Variants in PVT1 observed in about 807,000 individuals in gnomAD.
PVT1 encodes CXCR4/PVT1 fusion.
intron 3 of PVT1, among the ~76,000 whole-genome samples, chr8:127,917,479 A>G (rs898400002): frequency 6.6e-6 from 1 of 152,242 alleles, no homozygotes; most frequent in East Asian, 1.9e-4. Flanking sequence ...GTGATGACCC[A>G]GGACAGACTG....
chr8:127,947,895 G>A, intron 3 of PVT1: 1 of 456,656 alleles, frequency 2.2e-6, no homozygotes, highest in Non-Finnish European at 4.4e-6. Flanking sequence ...TAGGCAGACA[G>A]ACAATATTAT....
intron 3 of PVT1, among the ~76,000 whole-genome samples, chr8:127,976,652 G>A (rs1816825663): frequency 6.6e-6 from 1 of 152,148 alleles, no homozygotes. Flanking sequence ...GGCATCAGGG[G>A]CTTGGCACAG....
intron 2 of PVT1, among the ~76,000 whole-genome samples, chr8:127,825,117 T>TAAAAAAAAAAAAAAA (rs58377389): frequency 1.2e-5 from 1 of 81,056 alleles, no homozygotes; most frequent in Non-Finnish European, 2.3e-5. Flanking sequence ...AAACACTAGC[T>TAAAAAAAAAAAAAAA]AAAAAAAAAA....
chr8:128,075,279 T>C (rs1814070992), intron 5 of PVT1, among the ~76,000 whole-genome samples: 1 of 152,158 alleles, frequency 6.6e-6, no homozygotes, highest in Non-Finnish European at 1.5e-5. Context: ...TTGTAATATA[T>C]CTCATCATGC....
chr8:127,804,091 C>A (rs1814499792), intron 2 of PVT1, among the ~76,000 whole-genome samples: 1 of 152,028 alleles, frequency 6.6e-6, no homozygotes, highest in Admixed American at 6.6e-5. Context: ...TGGCACGCAC[C>A]TGTATTCCCA....
chr8:127,978,863 T>C (rs1586464622), intron 3 of PVT1, among the ~76,000 whole-genome samples: 1 of 152,206 alleles, frequency 6.6e-6, no homozygotes, highest in Admixed American at 6.5e-5. Flanking sequence ...GAAACATAAC[T>C]CAGTGTATTC....
At chr8:128,085,817 C>T (rs1195569976) in intron 5 of PVT1, among the ~76,000 whole-genome samples, 1 of 152,134 alleles carries the variant, frequency 6.6e-6, no homozygotes, top group African/African-American at 2.4e-5. Context: ...GACTGATTAA[C>T]ATAAGCACCT....
At chr8:127,967,913 C>T (rs191344749) in intron 3 of PVT1, among the ~76,000 whole-genome samples, 9 of 152,288 alleles carry the variant, frequency 5.9e-5, no homozygotes, top group African/African-American at 1.9e-4. Flanking sequence ...ATTTATTGAG[C>T]GCCTGTAGTA....
intron 3 of PVT1, among the ~76,000 whole-genome samples, chr8:127,892,841 G>A (rs1345348297): frequency 2.0e-5 from 3 of 152,150 alleles, no homozygotes; most frequent in African/African-American, 7.2e-5. Context: ...GAGGGGATCA[G>A]TTGGGAAAGA....
At chr8:127,911,522 G>T (rs962586301) in intron 3 of PVT1, among the ~76,000 whole-genome samples, 1 of 152,246 alleles carries the variant, frequency 6.6e-6, no homozygotes, top group Non-Finnish European at 1.5e-5. Context: ...CGGGACTGGA[G>T]GTCTCCGGAG....
intron 3 of PVT1, among the ~76,000 whole-genome samples, chr8:127,970,732 C>T (rs1816757014): frequency 6.6e-6 from 1 of 151,878 alleles, no homozygotes; most frequent in African/African-American, 2.4e-5. Context: ...TGTAAGACAC[C>T]TCCCCAAAAA....
intron 4 of PVT1, among the ~76,000 whole-genome samples, chr8:128,052,601 C>T (rs1209137610): frequency 1.3e-5 from 2 of 152,120 alleles, no homozygotes; most frequent in Non-Finnish European, 2.9e-5. Flanking sequence ...GCTCACATTA[C>T]TCTTCTCTTC....
At chr8:127,971,326 C>T (rs938789553) in intron 3 of PVT1, among the ~76,000 whole-genome samples, 4 of 152,244 alleles carry the variant, frequency 2.6e-5, no homozygotes, top group Non-Finnish European at 1.5e-5. Context: ...TGATCCCCTG[C>T]TCCTCTGCCT....
chr8:128,049,292 CTGA>C, intron 4 of PVT1: 1 of 482,620 alleles, frequency 2.1e-6, no homozygotes, highest in Admixed American at 2.3e-5. Context: ...CTTGGAGCCA[CTGA>C]TAGAAGCAGG....
chr8:128,038,970 T>C (rs565877669), intron 4 of PVT1, among the ~76,000 whole-genome samples: 1 of 152,134 alleles, frequency 6.6e-6, no homozygotes, highest in South Asian at 2.1e-4. Context: ...CCATTGTGTC[T>C]TTGTGCTCAG....
At chr8:127,970,212 C>T (rs988879481) in intron 3 of PVT1, among the ~76,000 whole-genome samples, 2 of 150,556 alleles carry the variant, frequency 1.3e-5, no homozygotes, top group Admixed American at 6.7e-5. Context: ...TCTCCTCAGA[C>T]CCTCAGGGGG....
chr8:127,812,872 C>CTAATA (rs1814614244), intron 2 of PVT1, among the ~76,000 whole-genome samples: 2 of 152,082 alleles, frequency 1.3e-5, no homozygotes, highest in Non-Finnish European at 2.9e-5. Flanking sequence ...GCACTTGTAA[C>CTAATA]TGTGTCAGGC....
chr8:128,026,214 A>G (rs1322911464), intron 4 of PVT1, among the ~76,000 whole-genome samples: 1 of 152,176 alleles, frequency 6.6e-6, no homozygotes, highest in Non-Finnish European at 1.5e-5. Flanking sequence ...AAGTGCTGGG[A>G]TTACAGGCGT....
At chr8:128,012,672 A>G (rs1817327283) in intron 4 of PVT1, among the ~76,000 whole-genome samples, 1 of 152,200 alleles carries the variant, frequency 6.6e-6, no homozygotes, top group Non-Finnish European at 1.5e-5. Context: ...CAGTCAACTC[A>G]TTCTTTCTTG....
Sources: allele counts gnomAD v4.1 joint callset (sites outside exome capture counted in the v4.1 genomes callset), GRCh38; gene constraint gnomAD v4.1.1; transcripts MANE v1.5; gene names NCBI Gene and HGNC (gene_info 2026-07-23, HGNC 2026-07-21).